The following DDX21 variants were observed in gnomAD, a reference collection of about 807,000 sequenced individuals.
DDX21 encodes the protein nucleolar RNA helicase 2.
In DDX21, 18 loss-of-function variants were observed where a neutral mutation model predicts 90.0. The ratio of observed to expected loss-of-function variants is 0.20; its 90% CI spans 0.14 to 0.30. The LOEUF is 0.30. Ranked by LOEUF, DDX21 falls within the 10% of genes least tolerant of loss-of-function variation. DDX21 has a pLI of 1.00. For missense variants in DDX21, 673 were observed against 944.5 expected (o/e 0.71, Z 3.77); for synonymous variants, 294 against 318.0 (o/e 0.92, Z 0.80).
intron 3 of DDX21, 79 bp downstream of exon 3, chr10:68,962,236 A>G (rs1842881081): frequency 9.2e-7 from 1 of 1,092,394 alleles, no homozygotes; most frequent in Non-Finnish European, 1.4e-6. Context: ...GTTAAGATGA[A>G]CCAGGATGTA....
At chr10:68,973,759 T>C (rs1843058279) in intron 10 of DDX21, 95 bp downstream of exon 10, 1 of 1,475,374 alleles carries the variant, frequency 6.8e-7, no homozygotes, top group Non-Finnish European at 9.1e-7. Flanking sequence ...TATTTTTATT[T>C]CTAGTGTGTG....
At chr10:68,964,487 C>A (rs147226052) in intron 4 of DDX21, among the ~76,000 whole-genome samples, 3 of 152,230 alleles carry the variant, frequency 2.0e-5, no homozygotes, top group Non-Finnish European at 4.4e-5. Context: ...CTTAGCCTCC[C>A]AAGTAGCTGG....
intron 13 of DDX21, among the ~76,000 whole-genome samples, chr10:68,980,013 G>A (rs1816124750): frequency 6.6e-6 from 1 of 152,180 alleles, no homozygotes; most frequent in African/African-American, 2.4e-5. Context: ...GGCTGAGGTG[G>A]ACGGATCACC....
At chr10:68,956,380 T>C (rs532406881) in intron 1 of DDX21, 68 bp downstream of exon 1, 4 of 1,602,020 alleles carry the variant, frequency 2.5e-6, no homozygotes, top group Middle Eastern at 1.7e-4. Context: ...GCGGGAGAAG[T>C]GCCCGGGCTG....
chr10:68,974,564 A>G (rs1203952044), intron 10 of DDX21, 106 bp from the exon 11 acceptor site: 14 of 816,680 alleles, frequency 1.7e-5, no homozygotes, highest in Non-Finnish European at 2.4e-5. Flanking sequence ...TCATTTTTTA[A>G]TGTAATACAT....
chr10:68,966,682 C>G (rs1227653836), intron 5 of DDX21, among the ~76,000 whole-genome samples: 1 of 151,932 alleles, frequency 6.6e-6, no homozygotes, highest in Non-Finnish European at 1.5e-5. Context: ...ATCTCATGAT[C>G]CACCCACCTT....
intron 3 of DDX21, 53 bp from the exon 4 acceptor site, chr10:68,963,238 G>A (rs777094794): frequency 1.6e-5 from 24 of 1,532,616 alleles, no homozygotes; most frequent in Non-Finnish European, 2.1e-5. Context: ...ATGTCAGTAT[G>A]GCTAATGTTT....
intron 8 of DDX21, 115 bp from the exon 9 acceptor site, chr10:68,971,776 T>C: frequency 1.0e-6 from 1 of 993,426 alleles, no homozygotes; most frequent in Non-Finnish European, 1.5e-6. Flanking sequence ...CTTTGTAATG[T>C]TTTCAACAGG....
chr10:68,968,160 C>T (rs1296770355), intron 6 of DDX21, among the ~76,000 whole-genome samples: 1 of 152,116 alleles, frequency 6.6e-6, no homozygotes, highest in African/African-American at 2.4e-5. Context: ...CAGATGTGCT[C>T]TACCGCGGCC....
chr10:68,956,893 T>C (rs1242835105), intron 1 of DDX21: 1 of 442,578 alleles, frequency 2.3e-6, no homozygotes. Flanking sequence ...AATACAAAAA[T>C]TAGCCGGGCA....
At chr10:68,961,794 A>C (rs1842874987) in intron 2 of DDX21, among the ~76,000 whole-genome samples, 1 of 152,156 alleles carries the variant, frequency 6.6e-6, no homozygotes, top group South Asian at 2.1e-4. Context: ...ATCTTAGTTG[A>C]GATCTAGTCA....
chr10:68,967,302 T>A, intron 6 of DDX21, 99 bp downstream of exon 6: 1 of 1,214,188 alleles, frequency 8.2e-7, no homozygotes, highest in Non-Finnish European at 1.1e-6. Context: ...GCCACCCTAG[T>A]AACTGGGATT....
At chr10:68,967,549 TA>T (rs921298834) in intron 6 of DDX21, among the ~76,000 whole-genome samples, 91 of 143,308 alleles carry the variant, frequency 6.3e-4, no homozygotes, top group East Asian at 4.9e-3. Context: ...AAACTTGGAT[TA>T]AAAAAAAAAA....
chr10:68,977,834 AC>A, intron 12 of DDX21, 146 bp downstream of exon 12: 1 of 865,502 alleles, frequency 1.2e-6, no homozygotes, highest in Non-Finnish European at 1.6e-6. Context: ...CTGGCCAGAC[AC>A]AGTGGCTCAT....
intron 4 of DDX21, among the ~76,000 whole-genome samples, chr10:68,964,447 G>GA (rs1435169581): frequency 2.6e-5 from 4 of 151,968 alleles, no homozygotes; most frequent in African/African-American, 9.7e-5. Flanking sequence ...TATTTTTGAG[G>GA]ACCTGTAGCA....
intron 14 of DDX21, 47 bp downstream of exon 14, chr10:68,981,628 A>T: frequency 7.1e-7 from 1 of 1,407,348 alleles, no homozygotes; most frequent in Non-Finnish European, 1.0e-6. Flanking sequence ...TAAATTGTAG[A>T]ATGTTAATTA....
intron 8 of DDX21, among the ~76,000 whole-genome samples, chr10:68,971,075 C>T (rs1589286590): frequency 6.8e-6 from 1 of 146,178 alleles, no homozygotes; most frequent in African/African-American, 2.5e-5. Context: ...AGGTAGCATG[C>T]ACCACCATAC....
intron 5 of DDX21, 30 bp from the exon 6 acceptor site, chr10:68,966,988 C>A: frequency 1.3e-6 from 2 of 1,593,066 alleles, no homozygotes; most frequent in Non-Finnish European, 8.6e-7. Flanking sequence ...TTACTAAAAA[C>A]CCAGCAAATC....
chr10:68,973,526 A>G lies in DDX21; in HGVS notation c.1549-19A>G, dbSNP rs1360353417. On this transcript the variant is annotated intron_variant, in intron 9 of 14. Coordinates refer to ENST00000354185, the MANE Select transcript of DDX21 (RefSeq NM_004728.4). ...TCTCTTTTTTGGTTTAGTGTTACTCATGTATTTTACTTCAATAGGATGTAG... is the reference window on the plus strand; with the variant it reads ...TCTCTTTTTTGGTTTAGTGTTACTCGTGTATTTTACTTCAATAGGATGTAG... 3 of 1,613,800 alleles carry G rather than the reference A, an allele frequency of 1.9e-6. No homozygotes were observed. The South Asian group carries it at 3.3e-5, about 18-fold the overall frequency.
Sources: allele counts gnomAD v4.1 joint callset (sites outside exome capture counted in the v4.1 genomes callset), GRCh38; gene constraint gnomAD v4.1.1; transcripts MANE v1.5; gene names NCBI Gene and HGNC (gene_info 2026-07-23, HGNC 2026-07-21).